Variants in ITGB6 observed in about 807,000 individuals in gnomAD.
ITGB6 encodes the protein integrin beta-6.
A neutral mutation model predicts 84.5 loss-of-function variants in ITGB6; 80 were observed. The observed-to-expected ratio is 0.95, with a 90% confidence interval of 0.79 to 1.14. The LOEUF (loss-of-function observed/expected upper bound fraction) is 1.14. Among genes scored for constraint, ITGB6 ranks in the 50% most tolerant of loss-of-function variants. The pLI, the probability that ITGB6 is intolerant of heterozygous loss-of-function variation, is 0.00. For missense variants in ITGB6, 1,006 were observed against 968.0 expected (o/e 1.04, Z -0.52); for synonymous variants, 383 against 354.9 (o/e 1.08, Z -0.89).
intron 7 of ITGB6, 73 bp downstream of exon 7, chr2:160,169,139 C>T (rs1338339250): frequency 1.4e-5 from 12 of 851,842 alleles, no homozygotes; most frequent in Non-Finnish European, 2.3e-5. Context: ...ATGTGTTAAA[C>T]TCACAGAGTT....
intron 13 of ITGB6, among the ~76,000 whole-genome samples, chr2:160,108,640 C>G (rs1214386004): frequency 6.6e-6 from 1 of 152,186 alleles, no homozygotes; most frequent in Non-Finnish European, 1.5e-5. Flanking sequence ...TTCCTGGACC[C>G]CTTCCCCAAT....
At chr2:160,155,665 C>T (rs771242273) in intron 7 of ITGB6, among the ~76,000 whole-genome samples, 11 of 151,958 alleles carry the variant, frequency 7.2e-5, no homozygotes, top group Non-Finnish European at 1.0e-4. Flanking sequence ...TCAAAAGATG[C>T]CTTTAAGAGT....
chr2:160,143,686 T>C (rs772823500), intron 7 of ITGB6, among the ~76,000 whole-genome samples: 18 of 152,214 alleles, frequency 1.2e-4, no homozygotes, highest in Non-Finnish European at 2.6e-4. Flanking sequence ...TCAAACATAA[T>C]GATATTCTAT....
At chr2:160,151,647 T>C (rs1305863140) in intron 7 of ITGB6, among the ~76,000 whole-genome samples, 2 of 151,972 alleles carry the variant, frequency 1.3e-5, no homozygotes, top group African/African-American at 4.8e-5. Context: ...AAAAAGTCGA[T>C]GAATCTAGGA....
intron 14 of ITGB6, among the ~76,000 whole-genome samples, chr2:160,102,490 C>T (rs1277436908): frequency 6.6e-6 from 1 of 152,150 alleles, no homozygotes; most frequent in East Asian, 1.9e-4. Context: ...GTAAGACAAC[C>T]ACAAGAGACT....
intron 7 of ITGB6, among the ~76,000 whole-genome samples, chr2:160,158,247 C>T (rs1036596017): frequency 2.0e-5 from 3 of 152,156 alleles, no homozygotes; most frequent in Non-Finnish European, 2.9e-5. Flanking sequence ...TTGTCGGCAT[C>T]GGAACTTTTG....
At chr2:160,111,929 G>T in intron 13 of ITGB6, 151 bp downstream of exon 13, 1 of 768,476 alleles carries the variant, frequency 1.3e-6, no homozygotes, top group Non-Finnish European at 2.1e-6. Context: ...CCTTCTAACT[G>T]GCATCTTTCA....
intron 7 of ITGB6, among the ~76,000 whole-genome samples, chr2:160,165,744 T>C (rs1039210447): frequency 2.0e-5 from 3 of 152,228 alleles, no homozygotes; most frequent in African/African-American, 7.2e-5. Context: ...GTTCCTTTTA[T>C]GGCCTGCTAG....
intron 4 of ITGB6, among the ~76,000 whole-genome samples, chr2:160,190,049 T>C (rs1460600807): frequency 2.6e-5 from 4 of 152,096 alleles, no homozygotes; most frequent in Non-Finnish European, 5.9e-5. Flanking sequence ...TTCATGTCCT[T>C]TGTAGGAACA....
chr2:160,138,223 C>T, intron 8 of ITGB6, 24 bp from the exon 9 acceptor site: 1 of 1,564,536 alleles, frequency 6.4e-7, no homozygotes. Context: ...ATAAAGAGTT[C>T]AGTGAAGTCA....
chr2:160,151,449 T>A (rs1009675912), intron 7 of ITGB6, among the ~76,000 whole-genome samples: 2 of 152,164 alleles, frequency 1.3e-5, no homozygotes, highest in Non-Finnish European at 2.9e-5. Flanking sequence ...CAAAGCAGTG[T>A]GTAGAGGGAA....
At chr2:160,123,725 G>T in intron 12 of ITGB6, 66 bp downstream of exon 12, 2 of 1,200,036 alleles carry the variant, frequency 1.7e-6, no homozygotes, top group Non-Finnish European at 2.5e-6. Flanking sequence ...GATTCACAGA[G>T]GGTCAAGAAC....
At chr2:160,171,514 T>A (rs1685206268) in intron 6 of ITGB6, among the ~76,000 whole-genome samples, 1 of 152,034 alleles carries the variant, frequency 6.6e-6, no homozygotes, top group Non-Finnish European at 1.5e-5. Context: ...TTTTGTATTT[T>A]TTAGTAGAGA....
intron 2 of ITGB6, among the ~76,000 whole-genome samples, chr2:160,198,804 A>G (rs16844863): frequency 0.15 from 23,041 of 152,212 alleles, 2,299 homozygotes; most frequent in East Asian, 0.32. Flanking sequence ...CAACTATAAT[A>G]TGAACATCAA....
chr2:160,110,595 C>T (rs1682459715), intron 13 of ITGB6, among the ~76,000 whole-genome samples: 1 of 152,164 alleles, frequency 6.6e-6, no homozygotes, highest in African/African-American at 2.4e-5. Flanking sequence ...CTGGAAGTCC[C>T]TCCGGACTGT....
rs1349069742 is a variant in ITGB6 at position 160,196,259 on chromosome 2, A to G, written c.303T>C (p.Ile101=). ...TCAAGCTTTGAGGCGCAATCTGAACAATGTCAGAACTATTTTTCTGTCTGC... is the reference window on the plus strand; with the variant it reads ...TCAAGCTTTGAGGCGCAATCTGAACGATGTCAGAACTATTTTTCTGTCTGC... The part of the protein sequence containing the change: ...SVGRQKNSSD[I]VQIAPQSLIL... Residue 101 remains isoleucine, a synonymous_variant, in exon 3 of 15, where the codon ATT becomes ATC. Coordinates refer to ENST00000283249, the MANE Select transcript of ITGB6 (RefSeq NM_000888.5). 2.5e-5 allele frequency: 40 copies of G among 1,613,952 alleles called. No individual in the cohort carries two copies. Among genetic ancestry groups the G allele is most frequent in the Non-Finnish European group, 3.3e-5 (39 of 1,179,986 alleles).
chr2:160,117,811 A>G (rs1323366093), intron 12 of ITGB6, among the ~76,000 whole-genome samples: 3 of 152,232 alleles, frequency 2.0e-5, no homozygotes, highest in East Asian at 3.8e-4. Context: ...AGATAGATGC[A>G]ATAAAACATG....
At chr2:160,109,909 A>G (rs1376970212) in intron 13 of ITGB6, among the ~76,000 whole-genome samples, 1 of 152,218 alleles carries the variant, frequency 6.6e-6, no homozygotes, top group African/African-American at 2.4e-5. Context: ...CTTGGCATGA[A>G]AAAAATGTAA....
chr2:160,130,933 T>C (rs1223664348), intron 10 of ITGB6, among the ~76,000 whole-genome samples: 1 of 152,174 alleles, frequency 6.6e-6, no homozygotes, highest in South Asian at 2.1e-4. Context: ...AAAAGGACCA[T>C]CATGGCAAAA....
Sources: allele counts gnomAD v4.1 joint callset (sites outside exome capture counted in the v4.1 genomes callset), GRCh38; gene constraint gnomAD v4.1.1; transcripts MANE v1.5; gene names NCBI Gene and HGNC (gene_info 2026-07-23, HGNC 2026-07-21).